RANBP10: variants seen among roughly 807,000 people sequenced by gnomAD.
The protein encoded by RANBP10 is ran-binding protein 10.
A neutral mutation model predicts 72.8 loss-of-function variants in RANBP10; 24 were observed. The observed-to-expected ratio is 0.33, with a 90% CI of 0.24 to 0.46. The LOEUF (loss-of-function observed/expected upper bound fraction) is 0.46. Among genes scored for constraint, RANBP10 ranks in the 20% least tolerant of loss-of-function variants. The pLI is 1.00. For synonymous variants in RANBP10, 310 were observed against 322.3 expected, an observed-to-expected ratio of 0.96 and a Z score of 0.41; for missense variants, 679 against 817.5, an observed-to-expected ratio of 0.83 and a Z score of 2.07.
intron 3 of RANBP10, among the ~76,000 whole-genome samples, chr16:67,747,845 G>C (rs540969880): frequency 6.9e-6 from 1 of 145,084 alleles, no homozygotes; most frequent in East Asian, 2.0e-4. Flanking sequence ...TTTTAAGACG[G>C]AGTCTCACTC....
chr16:67,751,680 C>CTGA (rs1053492226), intron 3 of RANBP10, among the ~76,000 whole-genome samples: 5 of 149,890 alleles, frequency 3.3e-5, no homozygotes, highest in Non-Finnish European at 7.4e-5. Context: ...CTTTGGGAGG[C>CTGA]TGAGATGGGC....
intron 3 of RANBP10, among the ~76,000 whole-genome samples, chr16:67,754,158 G>A (rs1656072268): frequency 6.6e-6 from 1 of 151,388 alleles, no homozygotes; most frequent in African/African-American, 2.4e-5. Flanking sequence ...AAAGAGACAA[G>A]GAAGATGGGT....
chr16:67,766,858 C>G (rs960381960), intron 3 of RANBP10, among the ~76,000 whole-genome samples: 1 of 152,142 alleles, frequency 6.6e-6, no homozygotes, highest in African/African-American at 2.4e-5. Context: ...TCTGGAAAAG[C>G]CAGGGGCATC....
Position 67,731,524 on chromosome 16 carries a change from T to G in RANBP10, c.837A>C (p.Arg279=), listed in dbSNP as rs1172480823. The G allele has an allele frequency of 2.5e-6, 4 of 1,614,218 alleles. No individual in the cohort carries two copies. In the South Asian group the frequency reaches 4.4e-5, roughly 18 times the overall value. ...CTTCCTGAATCGGGGTTTCAGTCAT[T>G]CGAGCAAAAGCCGTGGCTGTGGCAC... ...GYCATATAFA[R]MTETPIQEEQ... is the part of the protein sequence containing the mutation. The change falls in exon 7 of 14, where the codon CGA becomes CGC. Residue 279 remains arginine (R), a synonymous_variant. Coordinates refer to ENST00000317506, the MANE Select transcript of RANBP10 (RefSeq NM_020850.3).
intron 2 of RANBP10, among the ~76,000 whole-genome samples, chr16:67,792,831 G>C (rs888498482): frequency 1.3e-5 from 2 of 151,538 alleles, no homozygotes; most frequent in African/African-American, 2.4e-5. Flanking sequence ...CTCAAGTTAG[G>C]GTGCTCGTAT....
chr16:67,745,987 T>C (rs1201059323), intron 3 of RANBP10, among the ~76,000 whole-genome samples: 1 of 151,632 alleles, frequency 6.6e-6, no homozygotes, highest in Non-Finnish European at 1.5e-5. Context: ...AGAAATCCCG[T>C]CTCTACTAAA....
chr16:67,806,451 G>T lies in RANBP10; in HGVS notation c.86C>A (p.Ser29Tyr), dbSNP rs2055447199. The T allele has an allele frequency of 2.5e-6, 4 of 1,573,762 alleles. No individual in the cohort carries two copies. The highest frequency in any genetic ancestry group is 1.8e-5 in the Admixed American group (1 of 54,114). The stretch of plus-strand genomic sequence containing the variant: ...CCGGCTCAGCTCCTGCTCCCCAGGG[G>T]ACGGCAGCCCGCCCCCAGCGCCCCC... Reference protein sequence around the residue: ...SGGGAGGGLPSPGEQELSRRL... With the variant: ...SGGGAGGGLPYPGEQELSRRL... Residue 29 changes from serine (S) to tyrosine (Y), a missense_variant, in exon 1 of 14, where the codon TCC becomes TAC. Coordinates refer to ENST00000317506, the MANE Select transcript of RANBP10 (RefSeq NM_020850.3).
chr16:67,728,900 G>A (rs76851342), intron 10 of RANBP10, among the ~76,000 whole-genome samples: 2,825 of 152,356 alleles, frequency 0.019, 37 homozygotes, highest in Non-Finnish European at 0.03. Context: ...GATGCTGAGA[G>A]CCACCTAGAG....
intron 2 of RANBP10, among the ~76,000 whole-genome samples, chr16:67,773,579 G>C (rs1393583614): frequency 6.6e-6 from 1 of 152,134 alleles, no homozygotes; most frequent in African/African-American, 2.4e-5. Context: ...GGCAGGGAGG[G>C]AAGGCTCTGA....
chr16:67,755,789 C>A (rs1490137706), intron 3 of RANBP10, among the ~76,000 whole-genome samples: 4 of 151,810 alleles, frequency 2.6e-5, no homozygotes, highest in Admixed American at 2.0e-4. Context: ...ATGCCTGAGG[C>A]CACATGATGG....
chr16:67,735,260 T>A (rs2053820155), intron 5 of RANBP10, among the ~76,000 whole-genome samples: 1 of 152,188 alleles, frequency 6.6e-6, no homozygotes, highest in Non-Finnish European at 1.5e-5. Context: ...GCAAGGCACA[T>A]CATGGAGAGT....
rs745940697 is a variant in RANBP10, at chr16:67,729,778, C to T, written c.1049G>A (p.Ser350Asn). The T allele has an allele frequency of 2.7e-5, 43 of 1,614,042 alleles. No individual in the cohort carries two copies. In the Admixed American group the frequency reaches 5.5e-4, roughly 21 times the overall value. The change falls in exon 9 of 14, where the codon AGT (serine) becomes AAT (asparagine). Residue 350 changes from serine (S) to asparagine (N), a missense_variant. Coordinates refer to ENST00000317506, the MANE Select transcript of RANBP10 (RefSeq NM_020850.3). The surrounding 1 kb of genome is among the most constrained non-coding windows in gnomAD (Gnocchi z 7.1). ...MVNGTDSEVR[S>N]LSSRSPKSQD... ...GGACTTGGGGCTTCGGGAGCTCAAA[C>T]TTCGGACCTCACTGTCCGTCCCATT...
At position 67,729,340 on chromosome 16, in the gene RANBP10, G is replaced by C. The variant is rs748370945; in HGVS notation, c.1292C>G (p.Ser431Cys). 1 of 1,612,402 alleles carries C rather than the reference G, an allele frequency of 6.2e-7. No homozygotes were observed. Among genetic ancestry groups the C allele is most frequent in the Non-Finnish European group, 8.5e-7 (1 of 1,179,120 alleles). ...SSPSSVNYSESNSTDSTKSQH... is the reference protein window; with the variant it reads ...SSPSSVNYSECNSTDSTKSQH... The stretch of plus-strand genomic sequence containing the variant: ...GGACTTGGTGGAGTCTGTTGAGTTG[G>C]ACTCGGAGTAATTGACGGAGGATGG... The change falls in exon 10 of 14, where the codon TCC (serine) becomes TGC (cysteine). Residue 431 changes from serine (S) to cysteine (C), a missense_variant. Ser to Cys is a moderately radical substitution (Grantham distance 112, BLOSUM62 -1). Transcript: ENST00000317506. The surrounding 1 kb of genome is among the most constrained non-coding windows in gnomAD (Gnocchi z 7.1).
intron 12 of RANBP10, 118 bp downstream of exon 12, chr16:67,727,633 C>T: frequency 6.6e-7 from 1 of 1,506,042 alleles, no homozygotes; most frequent in Non-Finnish European, 9.1e-7. Context: ...GCCCCACTTC[C>T]CTCTGCAGAC....
At chr16:67,795,749 G>A (rs2055119943) in intron 2 of RANBP10, among the ~76,000 whole-genome samples, 1 of 151,004 alleles carries the variant, frequency 6.6e-6, no homozygotes, top group Admixed American at 6.6e-5. Context: ...CAGCTACTCA[G>A]GAGGCTGAGG....
At chr16:67,773,764 T>G (rs2054648597) in intron 2 of RANBP10, among the ~76,000 whole-genome samples, 1 of 152,194 alleles carries the variant, frequency 6.6e-6, no homozygotes, top group Non-Finnish European at 1.5e-5. Context: ...GTTTCATAGT[T>G]CGAAGGGAAC....
intron 3 of RANBP10, 44 bp from the exon 4 acceptor site, chr16:67,744,499 G>A (rs758865974): frequency 6.4e-7 from 1 of 1,558,142 alleles, no homozygotes; most frequent in Non-Finnish European, 8.7e-7. Flanking sequence ...GTACTTGAGG[G>A]AGGAACAAGA....
chr16:67,749,087 G>A (rs182619012), intron 3 of RANBP10, among the ~76,000 whole-genome samples: 2 of 152,264 alleles, frequency 1.3e-5, no homozygotes, highest in East Asian at 3.9e-4. Flanking sequence ...ACAGGGTGTG[G>A]CCAGGCAGCA....
rs1207271066 is a variant in RANBP10 at position 67,806,461 on chromosome 16, C to G, written c.76G>C (p.Gly26Arg). 3 of 1,556,978 alleles carry G rather than the reference C, an allele frequency of 1.9e-6. No homozygotes were observed. The African/African-American group carries it at 4.1e-5, about 21-fold the overall frequency. ...TCCTGCTCCCCAGGGGACGGCAGCC[C>G]GCCCCCAGCGCCCCCGCCGGAGGAG... is the stretch of plus-strand genomic sequence containing the variant. ...GDSSGGGAGG[G>R]LPSPGEQELS... Residue 26 changes from glycine to arginine, a missense_variant, in exon 1 of 14, where the codon GGG becomes CGG. Coordinates refer to ENST00000317506, the MANE Select transcript of RANBP10 (RefSeq NM_020850.3).
Sources: allele counts gnomAD v4.1 joint callset (sites outside exome capture counted in the v4.1 genomes callset), GRCh38; gene constraint gnomAD v4.1.1; non-coding constraint Gnocchi (gnomAD v3.1); transcripts MANE v1.5; gene names NCBI Gene and HGNC (gene_info 2026-07-23, HGNC 2026-07-21).